The following ASIC2 variants were observed in gnomAD, a reference collection of about 807,000 sequenced individuals.
The protein encoded by ASIC2 is acid sensing ion channel subunit 2, also known as acid-sensing ion channel 2.
A neutral mutation model predicts 57.3 loss-of-function variants in ASIC2; 25 were observed. The observed-to-expected ratio is 0.44, with a 90% CI of 0.32 to 0.61. The LOEUF is 0.61. Among genes scored for constraint, ASIC2 ranks in the 20% least tolerant of loss-of-function variants. The pLI is 0.06. For missense variants in ASIC2, 641 were observed against 738.1 expected (o/e 0.87, Z 1.52); for synonymous variants, 319 against 307.5 (o/e 1.04, Z -0.39).
chr17:34,039,879 T>TGCCGCC (rs914096641), intron 1 of ASIC2: 19 of 1,595,766 alleles, frequency 1.2e-5, no homozygotes, highest in East Asian at 1.1e-4. Flanking sequence ...TCATTTCTAC[T>TGCCGCC]GCCGCCGCCG....
chr17:33,894,338 CGTGCGTGCGTGCGTGT>C (rs1211755958), intron 1 of ASIC2, among the ~76,000 whole-genome samples: 8 of 93,906 alleles, frequency 8.5e-5, no homozygotes, highest in African/African-American at 2.8e-4. Context: ...TGCGTGCGTG[CGTGCGTGCGTGCGTGT>C]GTGTGTGTGT....
intron 1 of ASIC2, among the ~76,000 whole-genome samples, chr17:33,903,892 G>A (rs553603676): frequency 2.0e-5 from 3 of 152,058 alleles, no homozygotes; most frequent in Non-Finnish European, 2.9e-5. Flanking sequence ...GGCCAGGCAC[G>A]GTGGCTCATG....
intron 1 of ASIC2, among the ~76,000 whole-genome samples, chr17:33,391,908 A>G (rs756070079): frequency 6.6e-6 from 1 of 152,230 alleles, no homozygotes; most frequent in African/African-American, 2.4e-5. Context: ...TAGAGAGGTT[A>G]AAGTGACTTG....
intron 1 of ASIC2, among the ~76,000 whole-genome samples, chr17:33,684,661 C>A (rs753663452): frequency 6.6e-6 from 1 of 152,096 alleles, no homozygotes; most frequent in Non-Finnish European, 1.5e-5. Context: ...TGATTGCCTG[C>A]TAAATTGGTC....
chr17:33,855,192 A>T (rs1913888437), intron 1 of ASIC2, among the ~76,000 whole-genome samples: 1 of 152,168 alleles, frequency 6.6e-6, no homozygotes, highest in African/African-American at 2.4e-5. Flanking sequence ...CTCCTGCAAA[A>T]GTGACCATAA....
At chr17:34,050,247 A>G (rs541030270) in intron 1 of ASIC2, among the ~76,000 whole-genome samples, 67 of 152,182 alleles carry the variant, frequency 4.4e-4, no homozygotes, top group Non-Finnish European at 8.7e-4. Context: ...ATTGCAGCAG[A>G]GATTATTTGT....
chr17:33,748,530 A>T (rs1056079735), intron 1 of ASIC2, among the ~76,000 whole-genome samples: 1 of 152,188 alleles, frequency 6.6e-6, no homozygotes, highest in Non-Finnish European at 1.5e-5. Context: ...GAAAGAAAAA[A>T]CAGAAACCCA....
chr17:33,853,197 T>A (rs535952534), intron 1 of ASIC2, among the ~76,000 whole-genome samples: 1 of 152,296 alleles, frequency 6.6e-6, no homozygotes, highest in Non-Finnish European at 1.5e-5. Context: ...AGGACTTTGT[T>A]AGACACCCTG....
chr17:34,151,392 G>T (rs778731003), intron 1 of ASIC2, among the ~76,000 whole-genome samples: 1 of 152,126 alleles, frequency 6.6e-6, no homozygotes. Context: ...CTGCACAATA[G>T]GTGCTCTATT....
At chr17:33,588,055 C>G (rs1904698486) in intron 1 of ASIC2, among the ~76,000 whole-genome samples, 2 of 152,186 alleles carry the variant, frequency 1.3e-5, no homozygotes, top group Admixed American at 1.3e-4. Flanking sequence ...TATTCCCCAC[C>G]AGCCAAGTCT....
At chr17:33,423,219 C>G (rs1597723253) in intron 1 of ASIC2, among the ~76,000 whole-genome samples, 1 of 152,108 alleles carries the variant, frequency 6.6e-6, no homozygotes, top group African/African-American at 2.4e-5. Context: ...TGTGGTAAGG[C>G]CTAGGTCTTG....
At position 33,639,647 on chromosome 17, in the gene ASIC2, G is replaced by A. The variant is rs113320256; in HGVS notation, c.555+516331C>T. Among the ~76,000 whole-genome samples the A allele has an allele frequency of 1.5e-3, 221 of 151,926 alleles. 2 individuals carry two copies. Among genetic ancestry groups the A allele is most frequent in the African/African-American group, 5.1e-3 (212 of 41,408 alleles). On this transcript the variant is annotated intron_variant, in intron 1 of 9. Coordinates refer to the ASIC2 transcript ENST00000359872. Reference sequence around the variant, plus strand: ...CTGCACCCATGTTTCTTCCCAAAGGGGGACCCATTTTCAGCCCAAACACTA... The same window carrying A: ...CTGCACCCATGTTTCTTCCCAAAGGAGGACCCATTTTCAGCCCAAACACTA...
chr17:33,563,612 T>A (rs1916143645), intron 1 of ASIC2, among the ~76,000 whole-genome samples: 1 of 152,212 alleles, frequency 6.6e-6, no homozygotes. Context: ...CACCTGAAAC[T>A]TCTGGAGTGC....
At chr17:33,748,492 A>G (rs1214799900) in intron 1 of ASIC2, among the ~76,000 whole-genome samples, 1 of 152,248 alleles carries the variant, frequency 6.6e-6, no homozygotes, top group Non-Finnish European at 1.5e-5. Context: ...ATAATGGTGC[A>G]TTATTTAAAA....
At chr17:33,959,134 G>A (rs900422787) in intron 1 of ASIC2, among the ~76,000 whole-genome samples, 2 of 152,148 alleles carry the variant, frequency 1.3e-5, no homozygotes, top group Non-Finnish European at 2.9e-5. Context: ...CAAGACTCTA[G>A]GAAGTTCCAA....
At position 33,948,357 on chromosome 17, in the gene ASIC2, C is replaced by T. The variant is rs575479823; in HGVS notation, c.555+207621G>A. On this transcript the variant is annotated intron_variant, in intron 1 of 9. Transcript: ENST00000359872. Reference sequence around the variant, plus strand: ...GGGATCCAGGCTCCCGCAGGAGCCTCATTTTGTCAGTGAAGCCTTTAGAGA... The same window carrying T: ...GGGATCCAGGCTCCCGCAGGAGCCTTATTTTGTCAGTGAAGCCTTTAGAGA... Among the ~76,000 whole-genome samples the T allele has an allele frequency of 2.6e-3, 391 of 152,358 alleles. 5 individuals carry two copies. Among genetic ancestry groups the T allele is most frequent in the South Asian group, 0.017 (80 of 4,828 alleles).
chr17:33,064,898 G>A (rs2092036719), intron 3 of ASIC2, among the ~76,000 whole-genome samples: 1 of 152,150 alleles, frequency 6.6e-6, no homozygotes, highest in Admixed American at 6.5e-5. Flanking sequence ...TCATGCACAT[G>A]CAGAGCTTCT....
chr17:34,126,517 C>T (rs952498115), intron 1 of ASIC2, among the ~76,000 whole-genome samples: 4 of 152,192 alleles, frequency 2.6e-5, no homozygotes, highest in Non-Finnish European at 5.9e-5. Context: ...TCCTGTACGG[C>T]AACATCAGGG....
At chr17:33,668,022 A>C (rs1907530589) in intron 1 of ASIC2, among the ~76,000 whole-genome samples, 1 of 152,144 alleles carries the variant, frequency 6.6e-6, no homozygotes, top group African/African-American at 2.4e-5. Flanking sequence ...TATTATTATA[A>C]TACTAAAAAA....
Sources: allele counts gnomAD v4.1 joint callset (sites outside exome capture counted in the v4.1 genomes callset), GRCh38; gene constraint gnomAD v4.1.1; transcripts MANE v1.5; gene names NCBI Gene and HGNC (gene_info 2026-07-23, HGNC 2026-07-21).